The following CRB1 variants were observed in gnomAD, a reference collection of about 807,000 sequenced individuals.
CRB1 encodes crumbs cell polarity complex component 1, also known as protein crumbs homolog 1.
In CRB1, 83 loss-of-function variants were observed where a neutral mutation model predicts 120.0. The observed-to-expected ratio is 0.69, with a 90% CI of 0.58 to 0.83. The LOEUF is 0.83. Among genes scored for constraint, CRB1 ranks in the 40% least tolerant of loss-of-function variants. The probability of loss-of-function intolerance (pLI) is 0.00; values close to 1 mark genes in which losing one functional copy is unlikely to be tolerated. For missense variants in CRB1, 1,699 were observed against 1,687.6 expected (o/e 1.01, Z -0.12); for synonymous variants, 625 against 612.5 (o/e 1.02, Z -0.30).
At chr1:197,278,266 T>C (rs1209640707) in intron 1 of CRB1, among the ~76,000 whole-genome samples, 2 of 151,896 alleles carry the variant, frequency 1.3e-5, no homozygotes, top group East Asian at 1.9e-4. Flanking sequence ...CCTTCCACCA[T>C]GTGAGGACAT....
At chr1:197,381,895 T>G (rs2125401406) in intron 5 of CRB1, among the ~76,000 whole-genome samples, 1 of 152,250 alleles carries the variant, frequency 6.6e-6, no homozygotes, top group Admixed American at 6.5e-5. Flanking sequence ...GCCAAATAAT[T>G]TATGGGCTTT....
the CRB1 span, among the ~76,000 whole-genome samples, chr1:197,243,090 GTCTA>G: frequency 6.6e-6 from 1 of 151,540 alleles, no homozygotes; most frequent in Non-Finnish European, 1.5e-5. Context: ...CTGGCTAGTG[GTCTA>G]TCTATTTTGT....
At chr1:197,462,618 C>T (rs1666580575) in intron 11 of CRB1, among the ~76,000 whole-genome samples, 1 of 152,110 alleles carries the variant, frequency 6.6e-6, no homozygotes. Flanking sequence ...GGTATAAATG[C>T]TACGGCATCC....
At chr1:197,257,263 T>C in the CRB1 span, among the ~76,000 whole-genome samples, 3 of 152,142 alleles carry the variant, frequency 2.0e-5, no homozygotes, top group Admixed American at 2.0e-4. Flanking sequence ...TTTGTTCTGT[T>C]TGGGTTCCCA....
chr1:197,266,333 G>A (rs2125191975), upstream of CRB1, among the ~76,000 whole-genome samples: 1 of 152,108 alleles, frequency 6.6e-6, no homozygotes, highest in South Asian at 2.1e-4. Context: ...CCTTCTATGT[G>A]TCCTCATGTG....
chr1:197,472,516 C>T (rs1351102947), intron 11 of CRB1, among the ~76,000 whole-genome samples: 1 of 152,128 alleles, frequency 6.6e-6, no homozygotes, highest in Non-Finnish European at 1.5e-5. Flanking sequence ...TCCAAAAAAT[C>T]CTGCAATGTT....
the CRB1 span, among the ~76,000 whole-genome samples, chr1:197,214,101 T>G: frequency 6.6e-6 from 1 of 151,910 alleles, no homozygotes; most frequent in Non-Finnish European, 1.5e-5. Flanking sequence ...AGTTGCGTGG[T>G]TTTTTTGTTT....
At chr1:197,399,353 C>A (rs547513231) in intron 5 of CRB1, among the ~76,000 whole-genome samples, 2 of 152,094 alleles carry the variant, frequency 1.3e-5, no homozygotes, top group Non-Finnish European at 2.9e-5. Context: ...GTGTTTTTTA[C>A]AGTGCCTGGC....
chr1:197,285,902 A>AG (rs1198608681), intron 1 of CRB1, among the ~76,000 whole-genome samples: 5 of 151,950 alleles, frequency 3.3e-5, no homozygotes, highest in African/African-American at 1.2e-4. Context: ...TAATTTATTT[A>AG]GTTATTCTTT....
chr1:197,418,469 T>C (rs1664115936), intron 5 of CRB1, among the ~76,000 whole-genome samples: 1 of 152,212 alleles, frequency 6.6e-6, no homozygotes, highest in Non-Finnish European at 1.5e-5. Context: ...AGAAAGATTA[T>C]AATATGTCCA....
At chr1:197,375,082 T>C (rs1213694946) in intron 5 of CRB1, among the ~76,000 whole-genome samples, 1 of 152,180 alleles carries the variant, frequency 6.6e-6, no homozygotes, top group East Asian at 1.9e-4. Context: ...ACATTTTTCT[T>C]CCAGAAAGAC....
At chr1:197,344,605 G>T in intron 3 of CRB1, 129 bp downstream of exon 3, 4 of 815,410 alleles carry the variant, frequency 4.9e-6, no homozygotes, top group Non-Finnish European at 8.4e-6. Flanking sequence ...TACTTTAACT[G>T]ATGAAAACAT....
chr1:197,321,994 T>G (rs888489257), intron 1 of CRB1, among the ~76,000 whole-genome samples: 2 of 152,204 alleles, frequency 1.3e-5, no homozygotes, highest in African/African-American at 4.8e-5. Context: ...CCACACATTA[T>G]TTTTCTAGAC....
chr1:197,326,540 A>G (rs544740351), intron 1 of CRB1, among the ~76,000 whole-genome samples: 1 of 152,204 alleles, frequency 6.6e-6, no homozygotes, highest in South Asian at 2.1e-4. Flanking sequence ...CTGAGGCAGG[A>G]GAATCACTTG....
At chr1:197,452,194 C>T (rs1490550530) in intron 11 of CRB1, among the ~76,000 whole-genome samples, 1 of 152,106 alleles carries the variant, frequency 6.6e-6, no homozygotes, top group Non-Finnish European at 1.5e-5. Flanking sequence ...CAATATTCTT[C>T]CTGCTGTTCT....
chr1:197,424,093 G>A (rs1462322646), intron 6 of CRB1, among the ~76,000 whole-genome samples: 1 of 152,064 alleles, frequency 6.6e-6, no homozygotes, highest in Non-Finnish European at 1.5e-5. Flanking sequence ...CCTAGATTTT[G>A]AGAATTTTAT....
intron 11 of CRB1, among the ~76,000 whole-genome samples, chr1:197,469,944 C>A (rs1283815339): frequency 6.6e-6 from 1 of 152,064 alleles, no homozygotes; most frequent in Non-Finnish European, 1.5e-5. Context: ...TCATATTATC[C>A]CTTATCTGCC....
intron 5 of CRB1, among the ~76,000 whole-genome samples, chr1:197,414,203 T>A (rs1663854511): frequency 6.6e-6 from 1 of 152,168 alleles, no homozygotes; most frequent in African/African-American, 2.4e-5. Context: ...TTTATTAAAA[T>A]TTTTAAAATC....
chr1:197,457,302 A>G (rs1241876828), intron 11 of CRB1, among the ~76,000 whole-genome samples: 1 of 152,044 alleles, frequency 6.6e-6, no homozygotes, highest in African/African-American at 2.4e-5. Flanking sequence ...GCATTATTTT[A>G]TTTATTATTC....
Sources: gnomAD v4.1 joint callset for allele counts (sites outside exome capture counted in the v4.1 genomes callset) on GRCh38, gnomAD v4.1.1 for gene constraint, MANE v1.5 for transcripts, NCBI Gene and HGNC (gene_info 2026-07-23, HGNC 2026-07-21) for gene names.